Variants in PHLDB2 observed in about 807,000 individuals in gnomAD.
PHLDB2 encodes the protein pleckstrin homology-like domain family B member 2.
PHLDB2 carries 71 observed loss-of-function variants against 123.6 expected under a neutral mutation model. The observed-to-expected ratio is 0.57, with a 90% CI of 0.47 to 0.70. The LOEUF is 0.70. Ranked by LOEUF, PHLDB2 falls within the 30% of genes least tolerant of loss-of-function variation. PHLDB2 has a pLI of 0.00. For missense variants in PHLDB2, 1,446 were observed against 1,519.5 expected, an observed-to-expected ratio of 0.95 and a Z score of 0.80; for synonymous variants, 547 against 541.6, an observed-to-expected ratio of 1.01 and a Z score of -0.14.
intron 1 of PHLDB2, among the ~76,000 whole-genome samples, chr3:111,866,113 G>A (rs553426896): frequency 7.3e-6 from 1 of 136,834 alleles, no homozygotes; most frequent in East Asian, 2.3e-4. Flanking sequence ...CGGCCTCCCA[G>A]GTTCAAGTGA....
intron 1 of PHLDB2, among the ~76,000 whole-genome samples, chr3:111,811,150 A>G (rs969386681): frequency 6.6e-6 from 1 of 152,242 alleles, no homozygotes; most frequent in Non-Finnish European, 1.5e-5. Context: ...GATTTAAGTA[A>G]CTGGTCTTAC....
chr3:111,921,197 C>T (rs1186137050), intron 5 of PHLDB2, among the ~76,000 whole-genome samples: 1 of 152,152 alleles, frequency 6.6e-6, no homozygotes, highest in East Asian at 1.9e-4. Flanking sequence ...ACTCTCCTCT[C>T]CCATTCTGAG....
At chr3:111,788,652 C>A (rs1385629224) in intron 1 of PHLDB2, among the ~76,000 whole-genome samples, 1 of 152,150 alleles carries the variant, frequency 6.6e-6, no homozygotes, top group African/African-American at 2.4e-5. Flanking sequence ...CAAGCTTGTC[C>A]AACCTGAAGC....
At chr3:111,950,605 A>C (rs9867058) in intron 10 of PHLDB2, among the ~76,000 whole-genome samples, 2 of 147,064 alleles carry the variant, frequency 1.4e-5, no homozygotes, top group Non-Finnish European at 3.0e-5. Flanking sequence ...TTGGGTATTC[A>C]AAAAAAAAAT....
chr3:111,973,618 C>T (rs533532147), intron 16 of PHLDB2, 114 bp from the exon 17 acceptor site: 2 of 581,746 alleles, frequency 3.4e-6, no homozygotes, highest in African/African-American at 3.9e-5. Context: ...CTGAATTAAT[C>T]TTAGATAAAT....
chr3:111,950,184 C>G (rs1382075494), intron 10 of PHLDB2, among the ~76,000 whole-genome samples: 1 of 152,102 alleles, frequency 6.6e-6, no homozygotes, highest in African/African-American at 2.4e-5. Context: ...TCAGATAGTT[C>G]TCAAAATACT....
In PHLDB2 at chr3:111,859,375, G is replaced by A. The variant is rs1222710939; in HGVS notation, c.-216G>A. 1 of 985,546 alleles carries A rather than the reference G, an allele frequency of 1.0e-6. No individual in the cohort carries two copies. Among genetic ancestry groups the A allele is most frequent in the East Asian group, 1.1e-4 (1 of 8,828 alleles). 61.1% of individuals were successfully genotyped at this position (985,546 alleles called of 1,614,324 possible). Reference sequence around the variant, plus strand: ...CCAACAGCAAACTGCCTGGGAGCGGGGCAGGTCACCAACTTCGTTGCTCGA... The same window carrying A: ...CCAACAGCAAACTGCCTGGGAGCGGAGCAGGTCACCAACTTCGTTGCTCGA... On this transcript the variant is annotated 5_prime_UTR_variant, in exon 1 of 18. Coordinates refer to ENST00000431670, the MANE Select transcript of PHLDB2 (RefSeq NM_001134438.2).
chr3:111,868,621 T>TTATA (rs112734384), intron 1 of PHLDB2, among the ~76,000 whole-genome samples: 59 of 150,686 alleles, frequency 3.9e-4, no homozygotes, highest in African/African-American at 1.2e-3. Flanking sequence ...TGAGCTGAAT[T>TTATA]TATATATATA....
At chr3:111,741,941 T>A (rs1307191257) in intron 1 of PHLDB2, among the ~76,000 whole-genome samples, 12 of 152,212 alleles carry the variant, frequency 7.9e-5, no homozygotes, top group Admixed American at 6.5e-5. Context: ...TACCAATACA[T>A]CTTATTTTAG....
At chr3:111,948,439 C>G (rs1249056643) in intron 9 of PHLDB2, among the ~76,000 whole-genome samples, 1 of 152,150 alleles carries the variant, frequency 6.6e-6, no homozygotes, top group African/African-American at 2.4e-5. Context: ...CCCAGTAGCC[C>G]TCAGCCCATT....
At chr3:111,943,390 G>T (rs1044366302) in intron 8 of PHLDB2, among the ~76,000 whole-genome samples, 42 of 152,048 alleles carry the variant, frequency 2.8e-4, no homozygotes, top group African/African-American at 9.4e-4. Context: ...ATATATCAGA[G>T]ACCTCAATAT....
chr3:111,926,184 A>C (rs1458193467), intron 5 of PHLDB2, among the ~76,000 whole-genome samples: 2 of 152,254 alleles, frequency 1.3e-5, no homozygotes, highest in East Asian at 1.9e-4. Flanking sequence ...CATGTACCTG[A>C]ATGAAATCTT....
chr3:111,846,403 G>C, intron 2 of PHLDB2: 1 of 158,434 alleles, frequency 6.3e-6, no homozygotes, highest in South Asian at 1.9e-4. Flanking sequence ...TCTTTGCAAA[G>C]GGTTTCCCTG....
At chr3:111,732,502 A>G in exon 1 of PHLDB2, 8 of 927,502 alleles carry the variant, frequency 8.6e-6, no homozygotes, top group South Asian at 1.4e-5. Context: ...GCCTGTGACC[A>G]CAGTCTGCAG....
At chr3:111,915,003 C>A (rs886660600) in intron 3 of PHLDB2, 4 of 151,450 alleles carry the variant, frequency 2.6e-5, no homozygotes, top group African/African-American at 9.7e-5. Context: ...AAGGAGCTTA[C>A]AATGAAAGAT....
chr3:111,749,133 A>G (rs1045362193), intron 1 of PHLDB2, among the ~76,000 whole-genome samples: 6 of 152,022 alleles, frequency 3.9e-5, no homozygotes, highest in African/African-American at 1.4e-4. Flanking sequence ...ATAAAAATAA[A>G]AAATAAAACA....
rs538938169 is a variant in PHLDB2, at chr3:111,975,947, T to G, written c.*1384T>G. 1 of 152,686 alleles carries G rather than the reference T, an allele frequency of 6.5e-6. No homozygotes were observed. Among genetic ancestry groups the G allele is most frequent in the African/African-American group, 2.4e-5 (1 of 41,470 alleles). 9.5% of individuals were successfully genotyped at this position (152,686 alleles called of 1,614,324 possible). Reference sequence around the variant, plus strand: ...GGTTTGTATACACGTATACGTGTTATCAATAATAAGATTTTGCAACTGGAT... The same window carrying G: ...GGTTTGTATACACGTATACGTGTTAGCAATAATAAGATTTTGCAACTGGAT... On this transcript the variant is annotated 3_prime_UTR_variant, in exon 18 of 18. Transcript: ENST00000431670.
At chr3:111,849,879 T>TG (rs1467510404) in intron 2 of PHLDB2, among the ~76,000 whole-genome samples, 9 of 152,048 alleles carry the variant, frequency 5.9e-5, no homozygotes, top group Admixed American at 5.9e-4. Flanking sequence ...CTTTTTTTTT[T>TG]GGGACGGAGT....
At chr3:111,812,242 A>T (rs955482604) in intron 1 of PHLDB2, among the ~76,000 whole-genome samples, 8 of 152,142 alleles carry the variant, frequency 5.3e-5, no homozygotes, top group Admixed American at 5.2e-4. Context: ...TCTTTCTGTG[A>T]TCACCATTTG....
Sources: gnomAD v4.1 joint callset for allele counts (sites outside exome capture counted in the v4.1 genomes callset) on GRCh38, gnomAD v4.1.1 for gene constraint, MANE v1.5 for transcripts, NCBI Gene and HGNC (gene_info 2026-07-23, HGNC 2026-07-21) for gene names.